MPP7: variants seen among roughly 807,000 people sequenced by gnomAD.
MPP7 encodes MAGUK p55 scaffold protein 7.
In MPP7, 60 loss-of-function variants were observed where a neutral mutation model predicts 76.5. The ratio of observed to expected loss-of-function variants is 0.78; its 90% CI spans 0.64 to 0.97. The LOEUF (loss-of-function observed/expected upper bound fraction) is 0.97, where lower values mean the gene tolerates loss of function less well. Ranked by LOEUF, MPP7 falls within the 50% of genes least tolerant of loss-of-function variation. The pLI, the probability that MPP7 is intolerant of heterozygous loss-of-function variation, is 0.00. For synonymous variants in MPP7, 237 were observed against 244.5 expected (o/e 0.97, Z 0.29); for missense variants, 641 against 694.0 (o/e 0.92, Z 0.86).
Position 28,056,626 on chromosome 10 carries a change from A to G in MPP7, c.1408-3T>C, listed in dbSNP as rs752159742. On this transcript the variant is annotated splice_polypyrimidine_tract_variant and splice_region_variant and intron_variant, in intron 15 of 16. Transcript: ENST00000683449. Reference sequence around the variant, plus strand: ...AGTGTCCTTAAATGCTTCACTGTCTACAAGGAAGAAAAGAAAGTTTTCTCA... The same window carrying G: ...AGTGTCCTTAAATGCTTCACTGTCTGCAAGGAAGAAAAGAAAGTTTTCTCA... The G allele has an allele frequency of 3.9e-6, 6 of 1,547,572 alleles. No homozygotes were observed. Among genetic ancestry groups the G allele is most frequent in the African/African-American group, 1.4e-5 (1 of 70,748 alleles).
intron 1 of MPP7, among the ~76,000 whole-genome samples, chr10:28,273,592 A>G (rs1294833095): frequency 6.6e-6 from 1 of 152,224 alleles, no homozygotes; most frequent in African/African-American, 2.4e-5. Context: ...ATCTACCTTC[A>G]TGTTTAAGAG....
chr10:28,070,367 C>G (rs182839724), intron 12 of MPP7, among the ~76,000 whole-genome samples: 11 of 152,252 alleles, frequency 7.2e-5, no homozygotes, highest in Middle Eastern at 3.4e-3. Context: ...CCTCTGCACT[C>G]CAGCCTGGGT....
chr10:28,256,690 T>C (rs1171089598), intron 1 of MPP7, among the ~76,000 whole-genome samples: 1 of 152,212 alleles, frequency 6.6e-6, no homozygotes, highest in Non-Finnish European at 1.5e-5. Context: ...CGTATATAAC[T>C]AAGAACAGAA....
chr10:28,199,913 C>T (rs979414152), intron 3 of MPP7, among the ~76,000 whole-genome samples: 32 of 151,672 alleles, frequency 2.1e-4, no homozygotes, highest in Non-Finnish European at 4.3e-4. Flanking sequence ...CACGATCACA[C>T]GATAACAACT....
intron 5 of MPP7, among the ~76,000 whole-genome samples, chr10:28,141,502 T>C (rs1835517444): frequency 1.3e-5 from 2 of 152,198 alleles, no homozygotes; most frequent in Non-Finnish European, 2.9e-5. Context: ...ATAAGTATTA[T>C]GGAAATTAAC....
intron 2 of MPP7, among the ~76,000 whole-genome samples, chr10:28,210,195 GACTTCTCGACCTCC>G (rs1219721352): frequency 6.6e-6 from 1 of 152,148 alleles, no homozygotes; most frequent in Non-Finnish European, 1.5e-5. Context: ...CAGATCACTG[GACTTCTCGACCTCC>G]ATAATCACGT....
chr10:28,110,096 TC>T (rs1419302591), intron 11 of MPP7, among the ~76,000 whole-genome samples: 1 of 151,460 alleles, frequency 6.6e-6, no homozygotes, highest in Non-Finnish European at 1.5e-5. Flanking sequence ...TTTTCTTTTT[TC>T]TTTTTTTTTT....
intron 11 of MPP7, chr10:28,118,825 G>A: frequency 1.0e-6 from 1 of 985,414 alleles, no homozygotes; most frequent in Non-Finnish European, 1.2e-6. Flanking sequence ...AATCACAGGA[G>A]ATGTGAAAAA....
At chr10:28,204,152 G>A (rs1053238823) in intron 2 of MPP7, among the ~76,000 whole-genome samples, 7 of 152,146 alleles carry the variant, frequency 4.6e-5, no homozygotes, top group Admixed American at 2.0e-4. Context: ...TGGTAAAATC[G>A]CATAGCACGG....
chr10:28,225,093 T>G (rs1020533392), intron 2 of MPP7, among the ~76,000 whole-genome samples: 1 of 152,118 alleles, frequency 6.6e-6, no homozygotes, highest in Admixed American at 6.5e-5. Flanking sequence ...AAAAACTACA[T>G]ACAGTGCTGG....
Position 28,175,889 on chromosome 10 carries a change from T to C in MPP7, c.157-25830A>G, listed in dbSNP as rs574598344. 3.9e-5 allele frequency among the ~76,000 whole-genome samples: 6 copies of C among 152,286 alleles called. No individual in the cohort carries two copies. In the South Asian group the frequency reaches 1.0e-3, roughly 26 times the overall value. On this transcript the variant is annotated intron_variant, in intron 3 of 16. Transcript: ENST00000683449. ...GAAATGATAGTTACCATCAATATAC[T>C]GTATTTAACTAAAGTTAAACAATGG... is the stretch of plus-strand genomic sequence containing the variant.
intron 1 of MPP7, among the ~76,000 whole-genome samples, chr10:28,285,541 T>C (rs1037374998): frequency 6.6e-6 from 1 of 152,324 alleles, no homozygotes; most frequent in South Asian, 2.1e-4. Flanking sequence ...GAAGTTTCTC[T>C]TCATAAAAAT....
intron 11 of MPP7, among the ~76,000 whole-genome samples, chr10:28,116,492 A>C (rs1834667195): frequency 6.6e-6 from 1 of 152,162 alleles, no homozygotes; most frequent in South Asian, 2.1e-4. Flanking sequence ...GTATATAATA[A>C]TCTAAAAGCT....
chr10:28,127,725 T>C (rs1178668146), intron 6 of MPP7, among the ~76,000 whole-genome samples: 1 of 152,116 alleles, frequency 6.6e-6, no homozygotes, highest in Non-Finnish European at 1.5e-5. Flanking sequence ...AAGATGAGGT[T>C]TGGGTGAGGA....
At chr10:28,118,594 A>G (rs1469214135) in intron 11 of MPP7, 1 of 985,296 alleles carries the variant, frequency 1.0e-6, no homozygotes, top group Non-Finnish European at 1.2e-6. Context: ...ACAGTGCAAT[A>G]TTCTCACGAA....
Position 28,148,638 on chromosome 10 carries a change from T to C in MPP7, c.235-1075A>G, listed in dbSNP as rs554782779. On this transcript the variant is annotated intron_variant, in intron 4 of 16. Coordinates refer to ENST00000683449, the MANE Select transcript of MPP7 (RefSeq NM_001318170.2). The stretch of plus-strand genomic sequence containing the variant: ...CTTTACTTTTTTGAGGTAATATTTC[T>C]ACAGCATTTTTAACTTACAAAAAGA... Among the ~76,000 whole-genome samples the C allele has an allele frequency of 1.1e-4, 17 of 152,326 alleles. No homozygotes were observed. In the East Asian group the frequency reaches 3.3e-3, roughly 29 times the overall value.
chr10:28,320,127 A>G (rs542177477), intron 2 of MPP7, among the ~76,000 whole-genome samples: 5 of 152,286 alleles, frequency 3.3e-5, no homozygotes, highest in African/African-American at 1.2e-4. Flanking sequence ...GACTCTGGAG[A>G]AGATACGTGT....
At chr10:28,254,011 A>G (rs1215216253) in intron 1 of MPP7, among the ~76,000 whole-genome samples, 31 of 139,694 alleles carry the variant, frequency 2.2e-4, no homozygotes, top group African/African-American at 7.8e-4. Context: ...AAAGAAAAAA[A>G]AAAAAAAAAA....
chr10:28,278,976 G>C (rs1353339048), intron 1 of MPP7, among the ~76,000 whole-genome samples: 4 of 152,020 alleles, frequency 2.6e-5, no homozygotes, highest in Non-Finnish European at 5.9e-5. Context: ...GATATCACAT[G>C]AAACATATCT....
Sources: gnomAD v4.1 joint callset for allele counts (sites outside exome capture counted in the v4.1 genomes callset) on GRCh38, gnomAD v4.1.1 for gene constraint, MANE v1.5 for transcripts, NCBI Gene and HGNC (gene_info 2026-07-23, HGNC 2026-07-21) for gene names.